Variants in OXR1 observed in about 807,000 individuals in gnomAD.
OXR1 encodes oxidation resistance protein 1.
A neutral mutation model predicts 104.6 loss-of-function variants in OXR1; 41 were observed. That is an observed-to-expected ratio of 0.39 (90% CI 0.31 to 0.51). The LOEUF is 0.51. Ranked by LOEUF, OXR1 falls within the 20% of genes least tolerant of loss-of-function variation. The pLI, the probability that OXR1 is intolerant of heterozygous loss-of-function variation, is 0.77. For missense variants in OXR1, 955 were observed against 1,031.9 expected (o/e 0.93, Z 1.02); for synonymous variants, 348 against 348.4 (o/e 1.00, Z 0.01).
At chr8:106,732,052 C>A (rs1297938147) in intron 11 of OXR1, among the ~76,000 whole-genome samples, 2 of 152,040 alleles carry the variant, frequency 1.3e-5, no homozygotes, top group East Asian at 1.9e-4. Flanking sequence ...GTATTTAAAT[C>A]TTTTGTTAAT....
chr8:106,712,249 A>G (rs1831773365), intron 10 of OXR1, among the ~76,000 whole-genome samples: 2 of 152,132 alleles, frequency 1.3e-5, no homozygotes, highest in African/African-American at 4.8e-5. Flanking sequence ...GGACAACTCC[A>G]TTGAAAACTC....
At chr8:106,655,959 A>G (rs1207265153) in intron 3 of OXR1, among the ~76,000 whole-genome samples, 1 of 152,260 alleles carries the variant, frequency 6.6e-6, no homozygotes, top group Non-Finnish European at 1.5e-5. Flanking sequence ...GTAAAAGTGC[A>G]GATCTAATCA....
In OXR1 at chr8:106,667,496, G is replaced by A. The variant is rs945562254; in HGVS notation, c.221-11714G>A. 3.3e-5 allele frequency among the ~76,000 whole-genome samples: 5 copies of A among 152,244 alleles called. No homozygotes were observed. The East Asian group carries it at 9.6e-4, about 29-fold the overall frequency. On this transcript the variant is annotated intron_variant, in intron 3 of 16. Coordinates refer to ENST00000517566, the MANE Select transcript of OXR1 (RefSeq NM_001198533.2). ...GTATTGAGACCTTAGGAAAGTTGAG[G>A]TGACTTACAATGAAAAGTTCCTAAA...
intron 3 of OXR1, among the ~76,000 whole-genome samples, chr8:106,635,407 T>G (rs1823046131): frequency 6.6e-6 from 1 of 152,200 alleles, no homozygotes; most frequent in Admixed American, 6.5e-5. Context: ...TTTTAAAGAT[T>G]AAAAGAAATG....
chr8:106,333,273 C>T (rs1814800016), intron 1 of OXR1, among the ~76,000 whole-genome samples: 1 of 152,038 alleles, frequency 6.6e-6, no homozygotes, highest in African/African-American at 2.4e-5. Flanking sequence ...TATGGAGATT[C>T]AAGTTTCTTA....
intron 15 of OXR1, among the ~76,000 whole-genome samples, chr8:106,742,968 C>G (rs1835043790): frequency 6.6e-6 from 1 of 152,078 alleles, no homozygotes; most frequent in South Asian, 2.1e-4. Context: ...TAAAGAGCTT[C>G]TGTACAGCAA....
chr8:106,431,887 G>A (rs1355144986), intron 2 of OXR1, among the ~76,000 whole-genome samples: 2 of 152,162 alleles, frequency 1.3e-5, no homozygotes, highest in African/African-American at 2.4e-5. Flanking sequence ...TGTAGCAAAT[G>A]TTAAGATGAT....
At chr8:106,456,611 T>C (rs976207596) in intron 2 of OXR1, among the ~76,000 whole-genome samples, 1 of 152,194 alleles carries the variant, frequency 6.6e-6, no homozygotes, top group African/African-American at 2.4e-5. Context: ...GGGTTTTTTT[T>C]CTCCACACCA....
intron 2 of OXR1, among the ~76,000 whole-genome samples, chr8:106,414,854 C>A (rs1818606868): frequency 6.6e-6 from 1 of 152,040 alleles, no homozygotes; most frequent in Non-Finnish European, 1.5e-5. Flanking sequence ...TAGGAAGGCA[C>A]CAGGGAGCTA....
intron 2 of OXR1, among the ~76,000 whole-genome samples, chr8:106,492,014 A>C (rs1811121063): frequency 6.6e-6 from 1 of 152,212 alleles, no homozygotes; most frequent in South Asian, 2.1e-4. Context: ...CTTATCTCAG[A>C]ATTTTGTATG....
intron 2 of OXR1, among the ~76,000 whole-genome samples, chr8:106,389,265 T>G (rs968470438): frequency 1.3e-5 from 2 of 152,150 alleles, no homozygotes; most frequent in Non-Finnish European, 2.9e-5. Context: ...TTGCATACAT[T>G]TTGAAAAACT....
chr8:106,565,081 T>C (rs1241012980), intron 3 of OXR1, among the ~76,000 whole-genome samples: 1 of 152,128 alleles, frequency 6.6e-6, no homozygotes, highest in Non-Finnish European at 1.5e-5. Flanking sequence ...AAGACAAGAA[T>C]GCCCTCCCTC....
Position 106,703,085 on chromosome 8 carries a change from A to G in OXR1, c.855A>G (p.Leu285=). 1 of 1,606,946 alleles carries G rather than the reference A, an allele frequency of 6.2e-7. No individual in the cohort carries two copies. The highest frequency in any genetic ancestry group is 8.5e-7 in the Non-Finnish European group (1 of 1,173,776). ...EILDSKIKES[L]PIDIDQLSGR... ...TGGATAGCAAAATAAAGGAATCTTT[A>G]CCCATGTAAGAGTGATATTTATATT... is the stretch of plus-strand genomic sequence containing the variant. Residue 285 remains leucine (L), a synonymous_variant, in exon 8 of 17, where the codon TTA becomes TTG. Transcript: ENST00000517566.
intron 2 of OXR1, among the ~76,000 whole-genome samples, chr8:106,454,501 A>G (rs956577426): frequency 1.3e-5 from 2 of 151,426 alleles, no homozygotes; most frequent in East Asian, 1.9e-4. Context: ...ATATATATAA[A>G]ATTTAAAAAG....
chr8:106,611,811 T>TATTGTTTAAAACATATTGTTTAA (rs1820832820), intron 3 of OXR1, among the ~76,000 whole-genome samples: 1 of 152,164 alleles, frequency 6.6e-6, no homozygotes, highest in Non-Finnish European at 1.5e-5. Context: ...TAAGGAAGTA[T>TATTGTTTAAAACATATTGTTTAA]AACATATTGT....
At chr8:106,695,495 G>GC (rs1313119229) in intron 7 of OXR1, among the ~76,000 whole-genome samples, 1 of 150,430 alleles carries the variant, frequency 6.6e-6, no homozygotes, top group Non-Finnish European at 1.5e-5. Context: ...TCAGCTCACT[G>GC]CAACTTCCGC....
intron 2 of OXR1, among the ~76,000 whole-genome samples, chr8:106,472,816 G>A (rs979740867): frequency 2.0e-5 from 3 of 151,790 alleles, no homozygotes; most frequent in African/African-American, 7.2e-5. Context: ...GTAATCAGTA[G>A]TCTCACTCCC....
At chr8:106,281,530 C>T (rs1450347827) in intron 1 of OXR1, among the ~76,000 whole-genome samples, 1 of 152,056 alleles carries the variant, frequency 6.6e-6, no homozygotes, top group Admixed American at 6.6e-5. Flanking sequence ...ATGCCAGGTG[C>T]GGTGGCTCAC....
At chr8:106,673,921 A>G (rs1827304938) in intron 3 of OXR1, among the ~76,000 whole-genome samples, 1 of 152,226 alleles carries the variant, frequency 6.6e-6, no homozygotes, top group Non-Finnish European at 1.5e-5. Context: ...CAGAGGATGT[A>G]TGCAAACACC....
Sources: allele counts gnomAD v4.1 joint callset (sites outside exome capture counted in the v4.1 genomes callset), GRCh38; gene constraint gnomAD v4.1.1; transcripts MANE v1.5; gene names NCBI Gene and HGNC (gene_info 2026-07-23, HGNC 2026-07-21).